PTPRD: variants seen among roughly 807,000 people sequenced by gnomAD.
PTPRD encodes the protein protein tyrosine phosphatase receptor type D.
Under a neutral mutation model 214.5 loss-of-function variants are expected in PTPRD, and 34 were observed. The observed-to-expected ratio is 0.16, with a 90% CI of 0.12 to 0.21. The LOEUF is 0.21. Ranked by LOEUF, PTPRD falls within the 10% of genes least tolerant of loss-of-function variation. The probability of loss-of-function intolerance (pLI) is 1.00; values close to 1 mark genes in which losing one functional copy is unlikely to be tolerated. For missense variants in PTPRD, 2,545 were observed against 2,398.7 expected (o/e 1.06, Z -1.27); for synonymous variants, 1,128 against 845.7 (o/e 1.33, Z -5.79).
intron 11 of PTPRD, among the ~76,000 whole-genome samples, chr9:8,802,037 T>A (rs2096582260): frequency 6.6e-6 from 1 of 152,204 alleles, no homozygotes; most frequent in East Asian, 1.9e-4. Flanking sequence ...TTATCGCCAA[T>A]CTGAAACTTT....
intron 10 of PTPRD, among the ~76,000 whole-genome samples, chr9:9,088,691 G>C (rs1277850730): frequency 6.6e-6 from 1 of 150,716 alleles, no homozygotes; most frequent in East Asian, 2.0e-4. Context: ...ATTAGCCCTG[G>C]ATATTCAAAT....
At chr9:10,219,268 T>C (rs1306238772) in intron 3 of PTPRD, among the ~76,000 whole-genome samples, 1 of 151,912 alleles carries the variant, frequency 6.6e-6, no homozygotes, top group Non-Finnish European at 1.5e-5. Context: ...GAAAGAGGTA[T>C]TTCAAACCAT....
intron 3 of PTPRD, among the ~76,000 whole-genome samples, chr9:10,146,447 A>T (rs948315168): frequency 6.6e-6 from 1 of 152,108 alleles, no homozygotes; most frequent in African/African-American, 2.4e-5. Flanking sequence ...ATTTCAGATG[A>T]TGATATTTAC....
intron 8 of PTPRD, among the ~76,000 whole-genome samples, chr9:9,432,560 C>G (rs1405186086): frequency 6.6e-6 from 1 of 152,128 alleles, no homozygotes; most frequent in Admixed American, 6.6e-5. Flanking sequence ...TACTTTGCAG[C>G]TCTCTCTGAA....
intron 10 of PTPRD, among the ~76,000 whole-genome samples, chr9:9,037,667 T>C (rs1014929256): frequency 6.6e-6 from 1 of 152,204 alleles, no homozygotes; most frequent in Non-Finnish European, 1.5e-5. Context: ...TGTCTTTCCC[T>C]TCTTTACAAG....
chr9:9,837,962 C>T (rs1350837718), intron 5 of PTPRD, among the ~76,000 whole-genome samples: 5 of 152,094 alleles, frequency 3.3e-5, no homozygotes, highest in Non-Finnish European at 7.3e-5. Context: ...TGTTCCCCTT[C>T]CTGTGTCCAT....
intron 11 of PTPRD, among the ~76,000 whole-genome samples, chr9:8,753,402 T>A (rs2093703880): frequency 6.6e-6 from 1 of 152,228 alleles, no homozygotes; most frequent in Non-Finnish European, 1.5e-5. Context: ...TGCCGGGGGA[T>A]AAATCCCACA....
intron 3 of PTPRD, among the ~76,000 whole-genome samples, chr9:10,178,332 CA>C (rs945681056): frequency 2.6e-5 from 4 of 151,432 alleles, no homozygotes; most frequent in African/African-American, 9.7e-5. Context: ...CTGGACCAGA[CA>C]GTTGATATTG....
chr9:8,537,221 C>A (rs1424894016), intron 14 of PTPRD, among the ~76,000 whole-genome samples: 3 of 151,768 alleles, frequency 2.0e-5, no homozygotes, highest in African/African-American at 4.8e-5. Context: ...CGTTTTCTAG[C>A]AAAGTTGGGC....
intron 3 of PTPRD, among the ~76,000 whole-genome samples, chr9:10,120,851 T>C (rs1296927590): frequency 6.6e-6 from 1 of 152,072 alleles, no homozygotes; most frequent in Non-Finnish European, 1.5e-5. Context: ...CAATCTCACC[T>C]AGCATTCCTT....
At chr9:10,193,959 G>A (rs1332438728) in intron 3 of PTPRD, among the ~76,000 whole-genome samples, 1 of 152,034 alleles carries the variant, frequency 6.6e-6, no homozygotes, top group Non-Finnish European at 1.5e-5. Context: ...CTATTGCTGT[G>A]CTCAAAGTTA....
intron 35 of PTPRD, among the ~76,000 whole-genome samples, chr9:8,410,485 T>C (rs2093425186): frequency 6.6e-6 from 1 of 151,992 alleles, no homozygotes. Context: ...CAATTAGTTA[T>C]CAAATCTTAC....
chr9:10,036,264 T>C (rs1309730568), intron 3 of PTPRD, among the ~76,000 whole-genome samples: 2 of 152,158 alleles, frequency 1.3e-5, no homozygotes, highest in Admixed American at 6.6e-5. Flanking sequence ...CCTTGACATC[T>C]AAGACATACA....
Position 8,837,537 on chromosome 9 carries a change from CTG to C in PTPRD, c.-103-103593_-103-103592del, listed in dbSNP as rs200281987. On this transcript the variant is annotated intron_variant, in intron 11 of 45. Coordinates refer to ENST00000381196, the MANE Select transcript of PTPRD (RefSeq NM_002839.4). The stretch of plus-strand genomic sequence containing the variant: ...TTTTGTTTTGAGAAGAGGTCTCACT[CTG>C]TTGCCCAGACTGGAGTACAGTAGCA... 5.1e-3 allele frequency among the ~76,000 whole-genome samples: 774 copies of C among 151,678 alleles called. 7 individuals are homozygous for C. The highest frequency in any genetic ancestry group is 0.018 in the African/African-American group (733 of 41,012).
chr9:10,031,103 T>C lies in PTPRD; in HGVS notation c.-472+2615A>G, dbSNP rs527899418. ...TTCCAGGGTCCAAGTATAGATACTGTAGCGCCAGGTAGTAATTTTCTTTTA... is the reference window on the plus strand; with the variant it reads ...TTCCAGGGTCCAAGTATAGATACTGCAGCGCCAGGTAGTAATTTTCTTTTA... On this transcript the variant is annotated intron_variant, in intron 4 of 45. Coordinates refer to ENST00000381196, the MANE Select transcript of PTPRD (RefSeq NM_002839.4). Among the ~76,000 whole-genome samples the C allele has an allele frequency of 4.6e-5, 7 of 152,312 alleles. No homozygotes were observed. In the South Asian group the frequency reaches 1.4e-3, roughly 32 times the overall value.
chr9:10,446,673 A>C (rs1297923323), intron 2 of PTPRD, among the ~76,000 whole-genome samples: 1 of 152,108 alleles, frequency 6.6e-6, no homozygotes, highest in Non-Finnish European at 1.5e-5. Flanking sequence ...GCATGAAGCC[A>C]TGGGACTTGA....
chr9:9,032,742 T>C (rs1241123842), intron 10 of PTPRD, among the ~76,000 whole-genome samples: 1 of 152,164 alleles, frequency 6.6e-6, no homozygotes, highest in Non-Finnish European at 1.5e-5. Flanking sequence ...GGGTTTTATA[T>C]TTTTCCTTGG....
chr9:8,371,213 C>T (rs1267025951), intron 39 of PTPRD, among the ~76,000 whole-genome samples: 1 of 151,688 alleles, frequency 6.6e-6, no homozygotes, highest in Non-Finnish European at 1.5e-5. Flanking sequence ...AAAGAAATAC[C>T]CCAATATAAA....
rs377285768 is a variant in PTPRD at position 9,993,196 on chromosome 9, A to T, written c.-472+40522T>A. Among the ~76,000 whole-genome samples the T allele has an allele frequency of 1.6e-4, 25 of 152,332 alleles. No homozygotes were observed. In the East Asian group the frequency reaches 4.4e-3, roughly 27 times the overall value. On this transcript the variant is annotated intron_variant, in intron 4 of 45. Coordinates refer to ENST00000381196, the MANE Select transcript of PTPRD (RefSeq NM_002839.4). ...TCTCATATTCTCCTGGTGGGAGTAT[A>T]AATTGGTCTAATTACTTTAGACATC...
Sources: gnomAD v4.1 joint callset for allele counts (sites outside exome capture counted in the v4.1 genomes callset) on GRCh38, gnomAD v4.1.1 for gene constraint, MANE v1.5 for transcripts, NCBI Gene and HGNC (gene_info 2026-07-23, HGNC 2026-07-21) for gene names.